Variants in FOXN3 observed in about 807,000 individuals in gnomAD.
FOXN3 encodes forkhead box N3.
A neutral mutation model predicts 38.4 loss-of-function variants in FOXN3; 7 were observed. That is an observed-to-expected ratio of 0.18 (90% CI 0.10 to 0.34). The LOEUF (loss-of-function observed/expected upper bound fraction) is 0.34. Among genes scored for constraint, FOXN3 ranks in the 10% least tolerant of loss-of-function variants. The pLI is 1.00. For missense variants in FOXN3, 456 were observed against 613.4 expected, an observed-to-expected ratio of 0.74 and a Z score of 2.71; for synonymous variants, 230 against 242.2, an observed-to-expected ratio of 0.95 and a Z score of 0.47.
At chr14:89,294,704 T>G (rs539988161) in intron 3 of FOXN3, among the ~76,000 whole-genome samples, 1 of 152,188 alleles carries the variant, frequency 6.6e-6, no homozygotes, top group Non-Finnish European at 1.5e-5. Flanking sequence ...CACAGCACCA[T>G]GACAGTTTAC....
chr14:89,161,087 T>A lies in FOXN3; in HGVS notation c.*1327A>T, dbSNP rs1219430281. ...AATACATTATTTACCTTACAAGAAC[T>A]TTGTTACTTTTGAATAAAAAAAGTT... On this transcript the variant is annotated 3_prime_UTR_variant, in exon 6 of 6. Coordinates refer to ENST00000557258, the MANE Select transcript of FOXN3 (RefSeq NM_005197.4). 1 of 152,454 alleles carries A rather than the reference T, an allele frequency of 6.6e-6. No individual in the cohort carries two copies. The highest frequency in any genetic ancestry group is 1.9e-4 in the East Asian group (1 of 5,200). 9.4% of individuals were successfully genotyped at this position (152,454 alleles called of 1,614,324 possible).
intron 1 of FOXN3, among the ~76,000 whole-genome samples, chr14:89,610,419 C>G (rs1191611868): frequency 6.6e-6 from 1 of 152,218 alleles, no homozygotes; most frequent in Non-Finnish European, 1.5e-5. Context: ...CGGCTGAGCT[C>G]CACCGCCCAC....
At chr14:89,400,521 T>C (rs1260622084) in intron 2 of FOXN3, among the ~76,000 whole-genome samples, 2 of 152,100 alleles carry the variant, frequency 1.3e-5, no homozygotes, top group African/African-American at 4.8e-5. Flanking sequence ...CAACCCAAAT[T>C]TGCCCACACA....
rs1184512142 is a variant in FOXN3, at chr14:89,160,747, G to A, written c.*1667C>T. 1.3e-5 allele frequency: 2 copies of A among 152,540 alleles called. No individual in the cohort carries two copies. Among genetic ancestry groups the A allele is most frequent in the South Asian group, 2.1e-4 (1 of 4,818 alleles). The allele number at this position is 152,540 out of a possible 1,614,324, so 9.4% of individuals were successfully genotyped here. On this transcript the variant is annotated 3_prime_UTR_variant, in exon 6 of 6. Transcript: ENST00000557258. ...TGAAGTGCACACAAGGCAGTACAGA[G>A]TTCAACCATCCAAGCCCTACCAGAG...
rs147538990 is a variant in FOXN3, at chr14:89,388,317, G to A, written c.543+23617C>T. 3.7e-4 allele frequency among the ~76,000 whole-genome samples: 56 copies of A among 152,256 alleles called. No homozygotes were observed. The East Asian group carries it at 5.0e-3, about 14-fold the overall frequency. On this transcript the variant is annotated intron_variant, in intron 2 of 5. Coordinates refer to ENST00000557258, the MANE Select transcript of FOXN3 (RefSeq NM_005197.4). ...GAGCAAAGGATACAGTAATGACAGT[G>A]CCCAGGCTACCAGGACAGAGCCTGG...
intron 4 of FOXN3, among the ~76,000 whole-genome samples, chr14:89,237,426 G>A (rs1173435501): frequency 6.6e-6 from 1 of 152,162 alleles, no homozygotes; most frequent in Non-Finnish European, 1.5e-5. Context: ...ATAGTTTAGC[G>A]GTTTGTTAAA....
chr14:89,368,926 T>C (rs1890232239), intron 2 of FOXN3, among the ~76,000 whole-genome samples: 1 of 152,046 alleles, frequency 6.6e-6, no homozygotes, highest in Non-Finnish European at 1.5e-5. Context: ...GTTACTTGAT[T>C]AGGAAGCATA....
At chr14:89,569,939 C>T (rs73315206) in intron 1 of FOXN3, among the ~76,000 whole-genome samples, 1,900 of 151,890 alleles carry the variant, frequency 0.013, 33 homozygotes, top group African/African-American at 0.043. Flanking sequence ...TGCAGAGCTC[C>T]GGCAAGGCTT....
At chr14:89,597,876 CT>C (rs767371361) in intron 1 of FOXN3, among the ~76,000 whole-genome samples, 8 of 152,018 alleles carry the variant, frequency 5.3e-5, no homozygotes, top group Non-Finnish European at 1.2e-4. Flanking sequence ...AATCTTTTGA[CT>C]TTTAATTTGA....
chr14:89,191,080 T>C (rs939522288), intron 4 of FOXN3, among the ~76,000 whole-genome samples: 2 of 149,476 alleles, frequency 1.3e-5, no homozygotes, highest in African/African-American at 4.9e-5. Context: ...TTAATATGGG[T>C]AAAAAAAAAA....
At chr14:89,317,166 A>G (rs1273346856) in intron 3 of FOXN3, among the ~76,000 whole-genome samples, 1 of 152,216 alleles carries the variant, frequency 6.6e-6, no homozygotes, top group East Asian at 1.9e-4. Context: ...AGTAAAAGCA[A>G]TTGACAATAC....
intron 1 of FOXN3, among the ~76,000 whole-genome samples, chr14:89,615,160 TA>T (rs1439544385): frequency 7.7e-6 from 1 of 130,656 alleles, no homozygotes; most frequent in East Asian, 2.7e-4. Flanking sequence ...GGTTGGCATA[TA>T]CCTAACGTGT....
intron 1 of FOXN3, among the ~76,000 whole-genome samples, chr14:89,463,146 G>A (rs1484884099): frequency 7.9e-5 from 12 of 151,534 alleles, no homozygotes; most frequent in African/African-American, 1.2e-4. Flanking sequence ...AAAATTAGCC[G>A]GGCGTGGTGG....
At chr14:89,243,426 C>A (rs1451164796) in intron 4 of FOXN3, among the ~76,000 whole-genome samples, 1 of 152,158 alleles carries the variant, frequency 6.6e-6, no homozygotes, top group Non-Finnish European at 1.5e-5. Context: ...AGCACAAACA[C>A]CCGCATTGTA....
chr14:89,324,974 G>T (rs1242849541), intron 3 of FOXN3, among the ~76,000 whole-genome samples: 1 of 152,142 alleles, frequency 6.6e-6, no homozygotes, highest in Non-Finnish European at 1.5e-5. Flanking sequence ...AGGCTCTAGG[G>T]TGGCGCTGTC....
At chr14:89,469,645 C>G (rs1893049857) in intron 1 of FOXN3, among the ~76,000 whole-genome samples, 1 of 152,142 alleles carries the variant, frequency 6.6e-6, no homozygotes, top group East Asian at 1.9e-4. Context: ...GCTTTGATCG[C>G]CCTCTGGGTG....
At chr14:89,419,304 A>G, upstream of FOXN3, 1 of 433,254 alleles carries the variant, frequency 2.3e-6, no homozygotes, top group Admixed American at 2.5e-5. Context: ...GGAGGGCTTA[A>G]TGTGGCCTTT....
At chr14:89,402,674 C>G (rs548942807) in intron 2 of FOXN3, among the ~76,000 whole-genome samples, 1 of 152,188 alleles carries the variant, frequency 6.6e-6, no homozygotes, top group Non-Finnish European at 1.5e-5. Flanking sequence ...CTGCACTCCC[C>G]TTCTTGCTTC....
At chr14:89,312,448 A>T (rs973047127) in intron 3 of FOXN3, among the ~76,000 whole-genome samples, 6 of 152,138 alleles carry the variant, frequency 3.9e-5, no homozygotes, top group Admixed American at 3.9e-4. Context: ...ATTAGCAGAT[A>T]CTTAAAAAAC....
Sources: gnomAD v4.1 joint callset for allele counts (sites outside exome capture counted in the v4.1 genomes callset) on GRCh38, gnomAD v4.1.1 for gene constraint, MANE v1.5 for transcripts, NCBI Gene and HGNC (gene_info 2026-07-23, HGNC 2026-07-21) for gene names.